Variants in FARS2 observed in about 807,000 individuals in gnomAD.
The protein encoded by FARS2 is phenylalanine--tRNA ligase, mitochondrial.
Under a neutral mutation model 46.4 loss-of-function variants are expected in FARS2, and 40 were observed. The observed-to-expected ratio is 0.86, with a 90% CI of 0.67 to 1.12. The LOEUF is 1.12. Among genes scored for constraint, FARS2 ranks in the 50% most tolerant of loss-of-function variants. FARS2 has a pLI of 0.00. For missense variants in FARS2, 513 were observed against 567.9 expected (o/e 0.90, Z 0.98); for synonymous variants, 234 against 214.9 (o/e 1.09, Z -0.78).
Position 5,607,495 on chromosome 6 carries a change from A to G in FARS2, c.1066-5674A>G, listed in dbSNP as rs572906034. Among the ~76,000 whole-genome samples, 259 of 152,246 alleles carry G rather than the reference A, an allele frequency of 1.7e-3. 3 individuals are homozygous for G. Among genetic ancestry groups the G allele is most frequent in the African/African-American group, 5.4e-3 (223 of 41,572 alleles). ...AATGAAGATGGTATAAATAAAATAT[A>G]TTGATAATCACAGTGAATATAAATA... On this transcript the variant is annotated intron_variant, in intron 5 of 6. Coordinates refer to ENST00000274680, the MANE Select transcript of FARS2 (RefSeq NM_006567.5).
At chr6:5,331,103 T>TA (rs11362298) in intron 1 of FARS2, among the ~76,000 whole-genome samples, 7,236 of 132,912 alleles carry the variant, frequency 0.054, 221 homozygotes, top group Non-Finnish European at 0.072. Flanking sequence ...AAACTCCGTT[T>TA]AAAAAAAAAA....
chr6:5,710,289 A>G (rs2150901102), intron 6 of FARS2, among the ~76,000 whole-genome samples: 1 of 152,300 alleles, frequency 6.6e-6, no homozygotes, highest in South Asian at 2.1e-4. Context: ...TGGGTCACTG[A>G]CTGTGATGAG....
chr6:5,758,587 C>T (rs1762329188), intron 6 of FARS2, among the ~76,000 whole-genome samples: 1 of 152,126 alleles, frequency 6.6e-6, no homozygotes, highest in South Asian at 2.1e-4. Context: ...CTCAACCAAC[C>T]TGTTTTGTGC....
intron 1 of FARS2, among the ~76,000 whole-genome samples, chr6:5,315,745 T>TCTTTCTTTCTTTCTTC (rs1554162045): frequency 0.04 from 5,939 of 150,170 alleles, 147 homozygotes; most frequent in African/African-American, 0.066. Context: ...TTTTTTCCTT[T>TCTTTCTTTCTTTCTTC]CTTTCTTTCT....
In FARS2 at chr6:5,771,283, C is replaced by T; in HGVS notation, c.1218-8C>T. The stretch of plus-strand genomic sequence containing the variant: ...CCGCACTCACCTGTGTTCTCTTCCT[C>T]TCTGTAGGACGCACAAGACCAGCCA... On this transcript the variant is annotated splice_polypyrimidine_tract_variant and splice_region_variant and intron_variant, in intron 6 of 6. Coordinates refer to ENST00000274680, the MANE Select transcript of FARS2 (RefSeq NM_006567.5). The T allele has an allele frequency of 6.2e-7, 1 of 1,614,038 alleles. No individual in the cohort carries two copies.
intron 6 of FARS2, among the ~76,000 whole-genome samples, chr6:5,733,991 C>A (rs1336854340): frequency 6.6e-6 from 1 of 152,178 alleles, no homozygotes; most frequent in Non-Finnish European, 1.5e-5. Flanking sequence ...CAAGAAATAC[C>A]TGCTATTATA....
At chr6:5,286,056 A>G (rs1469785697) in intron 1 of FARS2, among the ~76,000 whole-genome samples, 3 of 152,158 alleles carry the variant, frequency 2.0e-5, no homozygotes, top group African/African-American at 7.2e-5. Flanking sequence ...TTTCTCCAGG[A>G]TAAAGGTAAC....
chr6:5,516,875 T>A (rs907226271), intron 4 of FARS2, among the ~76,000 whole-genome samples: 2 of 152,234 alleles, frequency 1.3e-5, no homozygotes, highest in Non-Finnish European at 2.9e-5. Flanking sequence ...ACTCTGAATC[T>A]TGTGAATTCA....
chr6:5,322,027 T>G (rs1040475893), intron 1 of FARS2, among the ~76,000 whole-genome samples: 6 of 152,356 alleles, frequency 3.9e-5, no homozygotes, highest in Admixed American at 2.6e-4. Flanking sequence ...GGAAGGTTCA[T>G]TTATTCACCA....
intron 5 of FARS2, among the ~76,000 whole-genome samples, chr6:5,603,461 C>T (rs1774656297): frequency 6.6e-6 from 1 of 152,352 alleles, no homozygotes; most frequent in Admixed American, 6.5e-5. Context: ...ACAGGTACCA[C>T]AGCCAGCGTG....
chr6:5,634,751 C>T (rs976801335), intron 6 of FARS2, among the ~76,000 whole-genome samples: 1 of 152,188 alleles, frequency 6.6e-6, no homozygotes, highest in Non-Finnish European at 1.5e-5. Context: ...GTGGCAATCC[C>T]CTAGTCCCTT....
chr6:5,381,174 G>C (rs912447455), intron 2 of FARS2, among the ~76,000 whole-genome samples: 1 of 151,670 alleles, frequency 6.6e-6, no homozygotes, highest in East Asian at 1.9e-4. Context: ...CTAATTTTTT[G>C]TATTTTTAGT....
intron 4 of FARS2, among the ~76,000 whole-genome samples, chr6:5,477,488 A>G (rs961762816): frequency 6.6e-6 from 1 of 152,144 alleles, no homozygotes; most frequent in Admixed American, 6.5e-5. Flanking sequence ...GAATGCTACA[A>G]TGTTTTCACT....
At chr6:5,354,531 T>TTTG (rs1240528978) in intron 1 of FARS2, among the ~76,000 whole-genome samples, 1 of 150,542 alleles carries the variant, frequency 6.6e-6, no homozygotes, top group Non-Finnish European at 1.5e-5. Flanking sequence ...TTTTTTTTTT[T>TTTG]GAGATGGAGT....
chr6:5,622,018 G>T (rs925494491), intron 6 of FARS2, among the ~76,000 whole-genome samples: 2 of 152,198 alleles, frequency 1.3e-5, no homozygotes, highest in Non-Finnish European at 2.9e-5. Flanking sequence ...GCAAATTCTG[G>T]AGGGAAATAG....
intron 6 of FARS2, among the ~76,000 whole-genome samples, chr6:5,769,368 C>T (rs1258856623): frequency 6.6e-6 from 1 of 152,254 alleles, no homozygotes; most frequent in African/African-American, 2.4e-5. Flanking sequence ...TAAGCTCCCA[C>T]TCCTGGAGAG....
chr6:5,286,511 G>A (rs139699402), intron 1 of FARS2, among the ~76,000 whole-genome samples: 35 of 152,152 alleles, frequency 2.3e-4, no homozygotes, highest in South Asian at 8.3e-4. Flanking sequence ...TGCCTGCCTC[G>A]GTCTCCCAGA....
intron 3 of FARS2, among the ~76,000 whole-genome samples, chr6:5,408,800 A>AT (rs1761764495): frequency 6.6e-6 from 1 of 152,204 alleles, no homozygotes; most frequent in Non-Finnish European, 1.5e-5. Flanking sequence ...GTCATGGCTG[A>AT]TTCGCCTTTA....
At chr6:5,632,637 T>TCCTTC (rs1561766416) in intron 6 of FARS2, among the ~76,000 whole-genome samples, 12 of 141,284 alleles carry the variant, frequency 8.5e-5, no homozygotes, top group African/African-American at 3.2e-4. Context: ...CTCCCTCCCT[T>TCCTTC]CTTCCTTCCT....
Sources: gnomAD v4.1 joint callset for allele counts (sites outside exome capture counted in the v4.1 genomes callset) on GRCh38, gnomAD v4.1.1 for gene constraint, MANE v1.5 for transcripts, NCBI Gene and HGNC (gene_info 2026-07-23, HGNC 2026-07-21) for gene names.